The following LINGO2 variants were observed in gnomAD, a reference collection of about 807,000 sequenced individuals.
LINGO2 encodes the protein leucine-rich repeat and immunoglobulin-like domain-containing nogo receptor-interacting protein 2.
Under a neutral mutation model 30.6 loss-of-function variants are expected in LINGO2, and 14 were observed. That is an observed-to-expected ratio of 0.46 (90% CI 0.30 to 0.72). The LOEUF is 0.72. LINGO2 is among the 30% of genes least tolerant of loss of function. The pLI is 0.07. For missense variants in LINGO2, 729 were observed against 751.7 expected, an observed-to-expected ratio of 0.97 and a Z score of 0.35; for synonymous variants, 317 against 288.5, an observed-to-expected ratio of 1.10 and a Z score of -1.00.
At chr9:28,717,504 C>T in the LINGO2 span, among the ~76,000 whole-genome samples, 1 of 151,932 alleles carries the variant, frequency 6.6e-6, no homozygotes, top group African/African-American at 2.4e-5. Context: ...AAGCAATCAA[C>T]AGTAAACAAT....
chr9:28,880,090 T>A, the LINGO2 span, among the ~76,000 whole-genome samples: 1 of 152,200 alleles, frequency 6.6e-6, no homozygotes, highest in Non-Finnish European at 1.5e-5. Flanking sequence ...GAAATTGAAC[T>A]CTGCCCTTAG....
the LINGO2 span, among the ~76,000 whole-genome samples, chr9:29,154,066 T>A: frequency 1.3e-5 from 2 of 152,152 alleles, no homozygotes; most frequent in African/African-American, 4.8e-5. Context: ...AGCTTAAGAA[T>A]TTTATACTAC....
intron 4 of LINGO2, among the ~76,000 whole-genome samples, chr9:28,189,565 A>G (rs149031546): frequency 0.028 from 149 of 5,408 alleles, 17 homozygotes; most frequent in Non-Finnish European, 0.038. Context: ...GGAAGGGAGG[A>G]AGGAAGGAAG....
the LINGO2 span, among the ~76,000 whole-genome samples, chr9:28,756,862 CT>C: frequency 1.3e-3 from 190 of 150,112 alleles, 2 homozygotes; most frequent in African/African-American, 4.1e-3. Context: ...AATTAAACCT[CT>C]TTTTTTTTTC....
Position 28,294,650 on chromosome 9 carries a change from G to A in LINGO2, c.-87+558C>T, listed in dbSNP as rs10968456. The stretch of plus-strand genomic sequence containing the variant: ...AAGAGTACTTGAATAAGAGTGCAAT[G>A]TTTTAAATCCTCAGAGCCAAAATAA... On this transcript the variant is annotated intron_variant, in intron 4 of 5. Transcript: ENST00000379992. 0.016 allele frequency among the ~76,000 whole-genome samples: 2,426 copies of A among 152,226 alleles called. 143 individuals are homozygous for A. In the East Asian group the frequency reaches 0.19, roughly 12 times the overall value.
intron 4 of LINGO2, among the ~76,000 whole-genome samples, chr9:28,277,850 CAAAA>C (rs35288673): frequency 7.2e-4 from 98 of 135,996 alleles, no homozygotes; most frequent in African/African-American, 2.8e-3. Context: ...AAAAAAAAAA[CAAAA>C]AAAAAAACAA....
intron 1 of LINGO2, among the ~76,000 whole-genome samples, chr9:28,562,308 T>C (rs552446087): frequency 6.6e-6 from 1 of 151,948 alleles, no homozygotes; most frequent in Admixed American, 6.5e-5. Flanking sequence ...TATTGGTGAA[T>C]TATTCTCAGT....
chr9:28,602,593 A>T (rs1322688809), intron 1 of LINGO2, among the ~76,000 whole-genome samples: 1 of 152,114 alleles, frequency 6.6e-6, no homozygotes, highest in Non-Finnish European at 1.5e-5. Context: ...TGTTGATGTT[A>T]TATTTTTCCA....
chr9:29,030,909 A>G, the LINGO2 span, among the ~76,000 whole-genome samples: 1 of 152,204 alleles, frequency 6.6e-6, no homozygotes, highest in African/African-American at 2.4e-5. Context: ...ATCAGGATAC[A>G]TCCTAAAATT....
At chr9:28,544,575 G>A (rs1225850004) in intron 1 of LINGO2, among the ~76,000 whole-genome samples, 7 of 152,064 alleles carry the variant, frequency 4.6e-5, no homozygotes, top group Non-Finnish European at 4.4e-5. Context: ...AGTCCAGAGT[G>A]GGCATTCCCA....
the LINGO2 span, among the ~76,000 whole-genome samples, chr9:29,090,380 G>C: frequency 6.6e-6 from 1 of 151,786 alleles, no homozygotes; most frequent in Non-Finnish European, 1.5e-5. Context: ...AGTCTTGCAG[G>C]GTCTCCTTTT....
the LINGO2 span, among the ~76,000 whole-genome samples, chr9:28,995,102 A>G: frequency 6.6e-6 from 1 of 151,984 alleles, no homozygotes; most frequent in Non-Finnish European, 1.5e-5. Flanking sequence ...ATGGGAGAAA[A>G]TTTTGGCAAC....
the LINGO2 span, among the ~76,000 whole-genome samples, chr9:29,063,128 T>C: frequency 1.3e-5 from 2 of 150,828 alleles, no homozygotes; most frequent in Non-Finnish European, 3.0e-5. Context: ...TGCTTTTTGT[T>C]CTAGACAAAA....
chr9:28,050,548 T>C (rs1259966509), intron 4 of LINGO2, among the ~76,000 whole-genome samples: 1 of 150,874 alleles, frequency 6.6e-6, no homozygotes, highest in Non-Finnish European at 1.5e-5. Context: ...GTGTGATCAC[T>C]GATAGGGTTC....
chr9:28,028,590 T>A (rs1373385519), intron 4 of LINGO2, among the ~76,000 whole-genome samples: 1 of 152,116 alleles, frequency 6.6e-6, no homozygotes, highest in Non-Finnish European at 1.5e-5. Context: ...AGGACCCCCA[T>A]AGATACCAAA....
chr9:28,084,815 CA>C (rs2133234077), intron 4 of LINGO2, among the ~76,000 whole-genome samples: 1 of 152,168 alleles, frequency 6.6e-6, no homozygotes, highest in South Asian at 2.1e-4. Flanking sequence ...GTCCATGGGC[CA>C]GAAAGTCTGT....
chr9:28,012,722 A>G (rs1420546733), intron 4 of LINGO2, among the ~76,000 whole-genome samples: 1 of 152,096 alleles, frequency 6.6e-6, no homozygotes, highest in Non-Finnish European at 1.5e-5. Flanking sequence ...CTTTCTCAAG[A>G]TGATCATTTT....
At chr9:28,750,760 T>C in the LINGO2 span, among the ~76,000 whole-genome samples, 1 of 152,058 alleles carries the variant, frequency 6.6e-6, no homozygotes. Context: ...TTGAATTAAA[T>C]AAGATCATGT....
the LINGO2 span, among the ~76,000 whole-genome samples, chr9:29,062,954 T>C: frequency 6.6e-6 from 1 of 152,146 alleles, no homozygotes; most frequent in African/African-American, 2.4e-5. Context: ...AAAGACCAGA[T>C]TACGTTCTAG....
Sources: gnomAD v4.1 joint callset for allele counts (sites outside exome capture counted in the v4.1 genomes callset) on GRCh38, gnomAD v4.1.1 for gene constraint, MANE v1.5 for transcripts, NCBI Gene and HGNC (gene_info 2026-07-23, HGNC 2026-07-21) for gene names.